TMEM255B: variants seen among roughly 807,000 people sequenced by gnomAD.
The protein encoded by TMEM255B is transmembrane protein 255B, also known as family with sequence similarity 70, member B.
In TMEM255B, 35 loss-of-function variants were observed where a neutral mutation model predicts 34.5. The ratio of observed to expected loss-of-function variants is 1.01; its 90% CI spans 0.77 to 1.34. The LOEUF is 1.34. TMEM255B is among the 40% of genes most tolerant of loss of function. The pLI is 0.00. For synonymous variants in TMEM255B, 206 were observed against 201.2 expected, an observed-to-expected ratio of 1.02 and a Z score of -0.20; for missense variants, 432 against 433.2, an observed-to-expected ratio of 1.00 and a Z score of 0.02.
intron 3 of TMEM255B, among the ~76,000 whole-genome samples, chr13:113,785,085 T>C (rs1472840504): frequency 6.6e-6 from 1 of 152,258 alleles, no homozygotes; most frequent in East Asian, 1.9e-4. Context: ...AGAGTTTTAT[T>C]GCAGGGTTGG....
intron 3 of TMEM255B, 31 bp from the exon 4 acceptor site, chr13:113,795,117 C>T: frequency 6.2e-7 from 1 of 1,610,052 alleles, no homozygotes; most frequent in Non-Finnish European, 8.5e-7. Context: ...TTGGTAAAAG[C>T]TGGGCACCCA....
intron 1 of TMEM255B, among the ~76,000 whole-genome samples, 173 bp downstream of exon 1, chr13:113,759,488 CTG>C (rs1331595828): frequency 6.6e-6 from 1 of 152,256 alleles, no homozygotes; most frequent in African/African-American, 2.4e-5. Context: ...GCATTTCGCA[CTG>C]GGGTCGGGCG....
chr13:113,784,550 G>A (rs2050711810), intron 3 of TMEM255B, among the ~76,000 whole-genome samples: 1 of 152,134 alleles, frequency 6.6e-6, no homozygotes, highest in African/African-American at 2.4e-5. Flanking sequence ...AGAAGAAGAA[G>A]AAGAAGGAGG....
chr13:113,807,898 C>G (rs369383049), intron 8 of TMEM255B, among the ~76,000 whole-genome samples: 155 of 152,232 alleles, frequency 1.0e-3, no homozygotes, highest in African/African-American at 3.6e-3. Context: ...ACTTCATCCC[C>G]ATGGTGCTCC....
intron 1 of TMEM255B, among the ~76,000 whole-genome samples, chr13:113,765,078 C>T (rs866053372): frequency 5.9e-5 from 9 of 152,216 alleles, no homozygotes; most frequent in Middle Eastern, 3.4e-3. Flanking sequence ...AGGTAAAAAG[C>T]GATTTAGGAT....
In TMEM255B at chr13:113,805,774, C is replaced by T. The variant is rs564127563; in HGVS notation, c.813+746C>T. Among the ~76,000 whole-genome samples the T allele has an allele frequency of 3.2e-3, 480 of 152,278 alleles. 2 individuals carry two copies. Among genetic ancestry groups the T allele is most frequent in the Middle Eastern group, 0.01 (3 of 294 alleles). On this transcript the variant is annotated intron_variant, in intron 8 of 8. Transcript: ENST00000375353. Reference sequence around the variant, plus strand: ...AACTCTCCGGACGTGTCCCGTGTCTCCTGCCTGGACGTGCCGTGTGCCCCC... The same window carrying T: ...AACTCTCCGGACGTGTCCCGTGTCTTCTGCCTGGACGTGCCGTGTGCCCCC...
intron 7 of TMEM255B, among the ~76,000 whole-genome samples, chr13:113,804,036 G>A (rs2051117248): frequency 9.0e-6 from 1 of 111,608 alleles, no homozygotes. Flanking sequence ...GCTGAACCTG[G>A]GGGTGGGGGC....
At chr13:113,768,689 A>G (rs1258857212) in intron 2 of TMEM255B, among the ~76,000 whole-genome samples, 5 of 152,086 alleles carry the variant, frequency 3.3e-5, no homozygotes, top group Non-Finnish European at 7.4e-5. Context: ...CCTTCTTTTG[A>G]AACACGGCTG....
rs1198611734 is a variant in TMEM255B, at chr13:113,806,594, G to A, written c.813+1566G>A. 3.3e-5 allele frequency among the ~76,000 whole-genome samples: 5 copies of A among 152,164 alleles called. No homozygotes were observed. Among genetic ancestry groups the A allele is most frequent in the Non-Finnish European group, 7.4e-5 (5 of 68,010 alleles). ...GATGTGGTCCCCAGGGTCAGATGGCGGGAGCTTTTGCCAGCGACCCTGCAG... is the reference window on the plus strand; with the variant it reads ...GATGTGGTCCCCAGGGTCAGATGGCAGGAGCTTTTGCCAGCGACCCTGCAG... On this transcript the variant is annotated intron_variant, in intron 8 of 8. Transcript: ENST00000375353. The surrounding 1 kb of genome is among the most constrained non-coding windows in gnomAD (Gnocchi z 4.2).
Position 113,813,022 on chromosome 13 carries a change from G to GA in TMEM255B, c.*1119_*1120insA, listed in dbSNP as rs2051358129. Reference sequence around the variant, plus strand: ...GGGTCCCGAGTGGGTCACGGGTCCCGGGTGGGTCACAGGCGCCCCAGTGAC... The same window carrying GA: ...GGGTCCCGAGTGGGTCACGGGTCCCGAGGTGGGTCACAGGCGCCCCAGTGAC... On this transcript the variant is annotated 3_prime_UTR_variant, in exon 9 of 9. Transcript: ENST00000375353. 2 of 132,592 alleles carry GA rather than the reference G, an allele frequency of 1.5e-5. No individual in the cohort carries two copies. Among genetic ancestry groups the GA allele is most frequent in the Non-Finnish European group, 1.6e-5 (1 of 64,070 alleles). 8.2% of individuals were successfully genotyped at this position (132,592 alleles called of 1,614,324 possible). A position where few individuals can be genotyped will look rare whatever the true frequency, so the allele number is the denominator to read the frequency against.
At chr13:113,810,367 A>G (rs1362249325) in intron 8 of TMEM255B, among the ~76,000 whole-genome samples, 2 of 152,334 alleles carry the variant, frequency 1.3e-5, no homozygotes, top group South Asian at 2.1e-4. Flanking sequence ...AAGAATTAAG[A>G]TGTGTGTTAG....
At chr13:113,775,973 C>T (rs1030162859) in intron 3 of TMEM255B, among the ~76,000 whole-genome samples, 3 of 152,190 alleles carry the variant, frequency 2.0e-5, no homozygotes, top group African/African-American at 7.2e-5. Context: ...TCTCTGTGTG[C>T]AGCCATGTGC....
rs553337972 is a variant in TMEM255B, at chr13:113,798,737, T to A, written c.343-602T>A. On this transcript the variant is annotated intron_variant, in intron 4 of 8. Transcript: ENST00000375353. Reference sequence around the variant, plus strand: ...TGGATGGATGGATGGATGGATGAAGTATGGATGACAGATGGGTGGATGGAT... The same window carrying A: ...TGGATGGATGGATGGATGGATGAAGAATGGATGACAGATGGGTGGATGGAT... Among the ~76,000 whole-genome samples, 450 of 121,726 alleles carry A rather than the reference T, an allele frequency of 3.7e-3. 2 individuals are homozygous for A. Among genetic ancestry groups the A allele is most frequent in the African/African-American group, 0.013 (422 of 31,510 alleles). 79.9% of individuals were successfully genotyped at this position (121,726 alleles called of 152,430 possible).
At chr13:113,810,745 G>A (rs965821173) in intron 8 of TMEM255B, among the ~76,000 whole-genome samples, 1 of 152,168 alleles carries the variant, frequency 6.6e-6, no homozygotes, top group Non-Finnish European at 1.5e-5. Flanking sequence ...AGGGGCTGAG[G>A]CACTGTACGC....
intron 1 of TMEM255B, 76 bp downstream of exon 1, chr13:113,759,391 C>T: frequency 8.3e-7 from 1 of 1,201,708 alleles, no homozygotes; most frequent in African/African-American, 1.6e-5. Context: ...CTACAGGTCC[C>T]CGGCCGGCCC....
intron 3 of TMEM255B, among the ~76,000 whole-genome samples, chr13:113,784,253 A>G (rs2050707337): frequency 6.6e-6 from 1 of 152,118 alleles, no homozygotes; most frequent in African/African-American, 2.4e-5. Context: ...TGTCTCCAGA[A>G]GAAAGACAGA....
chr13:113,766,429 A>G lies in TMEM255B; in HGVS notation c.189+172A>G, dbSNP rs763124183. ...CACAGACATGCACTTCCCAATCCCC[A>G]GGACCTGGGACAGTGGCAGGTCCAA... On this transcript the variant is annotated intron_variant, in intron 2 of 8. Coordinates refer to ENST00000375353, the MANE Select transcript of TMEM255B (RefSeq NM_182614.4). The G allele has an allele frequency of 1.6e-5, 15 of 947,788 alleles. No homozygotes were observed. In the African/African-American group the frequency reaches 1.6e-4, roughly 10 times the overall value. The allele number at this position is 947,788 out of a possible 1,614,324, so 58.7% of individuals were successfully genotyped here. A position where few individuals can be genotyped will look rare whatever the true frequency, so the allele number is the denominator to read the frequency against.
At chr13:113,767,405 GC>G (rs1282443594) in intron 2 of TMEM255B, among the ~76,000 whole-genome samples, 8 of 152,324 alleles carry the variant, frequency 5.3e-5, no homozygotes, top group African/African-American at 1.4e-4. Flanking sequence ...TGCTTCCTGG[GC>G]AGAAAGGGGA....
chr13:113,814,590 C>T lies in TMEM255B; in HGVS notation c.*2687C>T, dbSNP rs146550978. 4.4e-3 allele frequency: 672 copies of T among 152,374 alleles called. 6 individuals carry two copies. Among genetic ancestry groups the T allele is most frequent in the South Asian group, 0.028 (136 of 4,830 alleles). 9.4% of individuals were successfully genotyped at this position (152,374 alleles called of 1,614,324 possible). A position where few individuals can be genotyped will look rare whatever the true frequency, so the allele number is the denominator to read the frequency against. On this transcript the variant is annotated 3_prime_UTR_variant, in exon 9 of 9. Transcript: ENST00000375353. Reference sequence around the variant, plus strand: ...GGCAGCTCCCACCTGGCGCAGGGCTCCGGCCAATGCCTGGCCTGCAGTGTG... The same window carrying T: ...GGCAGCTCCCACCTGGCGCAGGGCTTCGGCCAATGCCTGGCCTGCAGTGTG...
Sources: gnomAD v4.1 joint callset for allele counts (sites outside exome capture counted in the v4.1 genomes callset) on GRCh38, gnomAD v4.1.1 for gene constraint, Gnocchi (gnomAD v3.1) non-coding constraint, MANE v1.5 for transcripts, NCBI Gene and HGNC (gene_info 2026-07-23, HGNC 2026-07-21) for gene names.